The following BRINP1 variants were observed in gnomAD, a reference collection of about 807,000 sequenced individuals.
BRINP1 encodes BMP/retinoic acid-inducible neural-specific protein 1.
In BRINP1, 17 loss-of-function variants were observed where a neutral mutation model predicts 72.9. The observed-to-expected ratio is 0.23, with a 90% CI of 0.16 to 0.35. The LOEUF is 0.35. Ranked by LOEUF, BRINP1 falls within the 10% of genes least tolerant of loss-of-function variation. BRINP1 has a pLI of 1.00. For missense variants in BRINP1, 850 were observed against 1,001.6 expected, an observed-to-expected ratio of 0.85 and a Z score of 2.04; for synonymous variants, 418 against 378.5, an observed-to-expected ratio of 1.10 and a Z score of -1.21.
chr9:119,364,054 C>T (rs1831664186), intron 1 of BRINP1, among the ~76,000 whole-genome samples: 1 of 143,390 alleles, frequency 7.0e-6, no homozygotes, highest in African/African-American at 2.6e-5. Flanking sequence ...CATCGAAGCC[C>T]TAAAAGTGAG....
chr9:119,299,201 A>G (rs1160150006), intron 2 of BRINP1, among the ~76,000 whole-genome samples: 3 of 152,134 alleles, frequency 2.0e-5, no homozygotes, highest in South Asian at 4.2e-4. Context: ...TCTAACTGAA[A>G]TTTTGTATCC....
intron 5 of BRINP1, among the ~76,000 whole-genome samples, chr9:119,221,325 C>A (rs1296149788): frequency 6.6e-6 from 1 of 152,066 alleles, no homozygotes; most frequent in African/African-American, 2.4e-5. Flanking sequence ...CTTGTGAAAG[C>A]CCAGGGATTT....
At chr9:119,317,101 T>A (rs1159288505) in intron 1 of BRINP1, among the ~76,000 whole-genome samples, 1 of 151,408 alleles carries the variant, frequency 6.6e-6, no homozygotes, top group Non-Finnish European at 1.5e-5. Context: ...AAAAATAAAA[T>A]AAAATAAAGA....
intron 5 of BRINP1, among the ~76,000 whole-genome samples, chr9:119,226,860 C>T (rs770318681): frequency 1.5e-4 from 23 of 151,838 alleles, no homozygotes; most frequent in Admixed American, 8.5e-4. Context: ...CTAGTAAAAA[C>T]CATGACTATT....
intron 5 of BRINP1, among the ~76,000 whole-genome samples, chr9:119,233,468 G>GA (rs1168000896): frequency 6.6e-6 from 1 of 152,074 alleles, no homozygotes; most frequent in Non-Finnish European, 1.5e-5. Flanking sequence ...AGGAAGCACT[G>GA]AAAAAAATAA....
At chr9:119,314,162 G>A (rs1831101197) in intron 1 of BRINP1, among the ~76,000 whole-genome samples, 1 of 152,110 alleles carries the variant, frequency 6.6e-6, no homozygotes, top group African/African-American at 2.4e-5. Context: ...GGTTGCCCAG[G>A]GTTCAAAAGG....
chr9:119,334,226 A>C (rs1462826985), intron 1 of BRINP1, among the ~76,000 whole-genome samples: 1 of 152,194 alleles, frequency 6.6e-6, no homozygotes, highest in Non-Finnish European at 1.5e-5. Flanking sequence ...ACTTTGAACT[A>C]ATGAAAATTC....
At chr9:119,204,761 G>C (rs1829836283) in intron 7 of BRINP1, among the ~76,000 whole-genome samples, 1 of 152,200 alleles carries the variant, frequency 6.6e-6, no homozygotes. Context: ...CTGAAGGCAA[G>C]TGTTATTATC....
chr9:119,221,589 G>A (rs1444471455), intron 5 of BRINP1, among the ~76,000 whole-genome samples: 1 of 152,088 alleles, frequency 6.6e-6, no homozygotes, highest in Non-Finnish European at 1.5e-5. Context: ...TTTACACTCT[G>A]GAAAATGAGG....
chr9:119,364,107 G>C (rs1438469905), intron 1 of BRINP1, among the ~76,000 whole-genome samples: 4 of 149,488 alleles, frequency 2.7e-5, no homozygotes, highest in Non-Finnish European at 5.9e-5. Context: ...AGGGTGCCAA[G>C]AGGCCTCCAA....
At chr9:119,208,662 T>A in intron 7 of BRINP1, 57 bp downstream of exon 7, 1 of 1,529,370 alleles carries the variant, frequency 6.5e-7, no homozygotes, top group East Asian at 2.3e-5. Context: ...TGCAGCAAGA[T>A]AATGTAGCTA....
intron 2 of BRINP1, among the ~76,000 whole-genome samples, chr9:119,263,397 G>T (rs1325244845): frequency 6.6e-6 from 1 of 151,874 alleles, no homozygotes; most frequent in Non-Finnish European, 1.5e-5. Context: ...AAAGTACTGG[G>T]CCTGGGCTTG....
intron 3 of BRINP1, among the ~76,000 whole-genome samples, chr9:119,247,751 C>T (rs375345083): frequency 3.4e-5 from 5 of 148,948 alleles, no homozygotes; most frequent in East Asian, 4.0e-4. Context: ...CACTTAAAAA[C>T]TTAGCTTTAT....
chr9:119,313,534 T>G, intron 1 of BRINP1, 129 bp from the exon 2 acceptor site: 1 of 766,842 alleles, frequency 1.3e-6, no homozygotes, highest in Non-Finnish European at 2.0e-6. Flanking sequence ...TTCATAATAA[T>G]ACCTTATATC....
intron 7 of BRINP1, among the ~76,000 whole-genome samples, chr9:119,187,445 A>T (rs1829635472): frequency 2.6e-5 from 4 of 152,036 alleles, no homozygotes; most frequent in Admixed American, 2.6e-4. Context: ...TACCCACAGA[A>T]ATTTCTGACA....
chr9:119,219,140 T>C (rs1205292402), intron 5 of BRINP1, among the ~76,000 whole-genome samples: 1 of 152,076 alleles, frequency 6.6e-6, no homozygotes, highest in African/African-American at 2.4e-5. Context: ...CTGTGACAAA[T>C]AATTTCCTTT....
At chr9:119,175,472 T>C (rs1389162173) in intron 7 of BRINP1, among the ~76,000 whole-genome samples, 1 of 152,086 alleles carries the variant, frequency 6.6e-6, no homozygotes, top group Admixed American at 6.5e-5. Flanking sequence ...TATACCTATG[T>C]AACAAACCTG....
chr9:119,348,789 T>A (rs1831474047), intron 1 of BRINP1, among the ~76,000 whole-genome samples: 1 of 152,192 alleles, frequency 6.6e-6, no homozygotes, highest in African/African-American at 2.4e-5. Flanking sequence ...CTTATTCATT[T>A]CGGTATCACG....
intron 2 of BRINP1, among the ~76,000 whole-genome samples, chr9:119,304,619 C>T (rs1385239482): frequency 6.6e-6 from 1 of 152,208 alleles, no homozygotes; most frequent in Non-Finnish European, 1.5e-5. Flanking sequence ...ACAAAGGTAT[C>T]CAGTAGCTGT....
Sources: allele counts gnomAD v4.1 joint callset (sites outside exome capture counted in the v4.1 genomes callset), GRCh38; gene constraint gnomAD v4.1.1; transcripts MANE v1.5; gene names NCBI Gene and HGNC (gene_info 2026-07-23, HGNC 2026-07-21).